Variants in BANK1 observed in about 807,000 individuals in gnomAD.
BANK1 encodes the protein B-cell scaffold protein with ankyrin repeats.
Under a neutral mutation model 94.5 loss-of-function variants are expected in BANK1, and 95 were observed. The ratio of observed to expected loss-of-function variants is 1.00; its 90% CI spans 0.85 to 1.19. The LOEUF is 1.19. Ranked by LOEUF, BANK1 falls within the 50% of genes most tolerant of loss-of-function variation. The pLI, the probability that BANK1 is intolerant of heterozygous loss-of-function variation, is 0.00. For missense variants in BANK1, 987 were observed against 932.2 expected (o/e 1.06, Z -0.77); for synonymous variants, 334 against 308.4 (o/e 1.08, Z -0.87).
At chr4:101,929,074 T>C (rs1280878716) in intron 7 of BANK1, among the ~76,000 whole-genome samples, 5 of 151,756 alleles carry the variant, frequency 3.3e-5, no homozygotes, top group Non-Finnish European at 7.4e-5. Flanking sequence ...ATTCAAATGA[T>C]TCTTTCCAAT....
chr4:101,837,785 A>T (rs1449534014), intron 2 of BANK1, among the ~76,000 whole-genome samples: 1 of 152,158 alleles, frequency 6.6e-6, no homozygotes, highest in African/African-American at 2.4e-5. Context: ...ATTATGATTT[A>T]TTTATTGCTA....
At chr4:101,972,962 G>C (rs1195419628) in intron 7 of BANK1, among the ~76,000 whole-genome samples, 1 of 152,066 alleles carries the variant, frequency 6.6e-6, no homozygotes, top group Non-Finnish European at 1.5e-5. Flanking sequence ...GAGTAGAATA[G>C]TGGTTATGCA....
intron 8 of BANK1, among the ~76,000 whole-genome samples, chr4:102,023,248 A>G (rs887579143): frequency 2.0e-5 from 3 of 152,226 alleles, no homozygotes; most frequent in Admixed American, 2.0e-4. Flanking sequence ...TCACTAGCAT[A>G]CTTTGGCAAA....
chr4:102,003,455 T>C (rs1726143306), intron 7 of BANK1, among the ~76,000 whole-genome samples: 1 of 152,196 alleles, frequency 6.6e-6, no homozygotes, highest in African/African-American at 2.4e-5. Context: ...TGAGGTCAGC[T>C]GGGACTGTGA....
At chr4:101,985,560 G>T (rs573484876) in intron 7 of BANK1, among the ~76,000 whole-genome samples, 8 of 152,094 alleles carry the variant, frequency 5.3e-5, no homozygotes, top group African/African-American at 1.9e-4. Flanking sequence ...ATTTTAACTT[G>T]TGTTCTAGAA....
chr4:102,056,803 C>T (rs1578483739), intron 11 of BANK1, among the ~76,000 whole-genome samples: 1 of 152,004 alleles, frequency 6.6e-6, no homozygotes, highest in Non-Finnish European at 1.5e-5. Flanking sequence ...GCCAGGAGTT[C>T]GAGACCAGCC....
At chr4:101,961,288 T>G (rs1001394847) in intron 7 of BANK1, among the ~76,000 whole-genome samples, 1 of 152,188 alleles carries the variant, frequency 6.6e-6, no homozygotes, top group Admixed American at 6.5e-5. Flanking sequence ...GACATCATTC[T>G]TGTGAGAAGG....
chr4:101,865,421 G>C (rs1340308188), intron 4 of BANK1, among the ~76,000 whole-genome samples: 1 of 152,096 alleles, frequency 6.6e-6, no homozygotes, highest in Non-Finnish European at 1.5e-5. Context: ...ATCCCACCAG[G>C]TTTTTACAAT....
Position 102,037,956 on chromosome 4 carries a change from A to T in BANK1, c.1901-5883A>T, listed in dbSNP as rs566405047. Among the ~76,000 whole-genome samples the T allele has an allele frequency of 2.0e-5, 3 of 152,260 alleles. No individual in the cohort carries two copies. The South Asian group carries it at 6.2e-4, about 32-fold the overall frequency. On this transcript the variant is annotated intron_variant, in intron 10 of 16. Coordinates refer to ENST00000322953, the MANE Select transcript of BANK1 (RefSeq NM_017935.5). Reference sequence around the variant, plus strand: ...ATATGCCAACACATCACCTTGCATGACTTTTTCAAAGTATTTATTAACTTC... The same window carrying T: ...ATATGCCAACACATCACCTTGCATGTCTTTTTCAAAGTATTTATTAACTTC...
At chr4:101,936,457 TTA>T (rs1383056563) in intron 7 of BANK1, among the ~76,000 whole-genome samples, 1 of 150,212 alleles carries the variant, frequency 6.7e-6, no homozygotes, top group African/African-American at 2.4e-5. Context: ...TGCATATACT[TTA>T]TATGTATGAT....
intron 7 of BANK1, among the ~76,000 whole-genome samples, chr4:101,952,248 AAAT>A (rs1724187473): frequency 6.6e-6 from 1 of 152,126 alleles, no homozygotes; most frequent in Non-Finnish European, 1.5e-5. Context: ...GTTGAGAAAA[AAAT>A]AAAAATGGCT....
intron 1 of BANK1, among the ~76,000 whole-genome samples, chr4:101,791,881 TGACAAGAAAG>T (rs1447972152): frequency 6.6e-6 from 1 of 152,154 alleles, no homozygotes; most frequent in Non-Finnish European, 1.5e-5. Flanking sequence ...CAATGAAAAG[TGACAAGAAAG>T]GACTTAGAGC....
chr4:102,050,271 C>T lies in BANK1; in HGVS notation c.1969+6364C>T, dbSNP rs184971948. ...AGAATCAAGTTGCTGCAGATCTGTA[C>T]GGATTGGCTGTTGCTAACAAAACCA... is the stretch of plus-strand genomic sequence containing the variant. On this transcript the variant is annotated intron_variant, in intron 11 of 16. Transcript: ENST00000322953. Among the ~76,000 whole-genome samples the T allele has an allele frequency of 3.4e-3, 518 of 152,228 alleles. 1 individual carries two copies. Among genetic ancestry groups the T allele is most frequent in the Non-Finnish European group, 5.9e-3 (404 of 68,014 alleles).
intron 10 of BANK1, among the ~76,000 whole-genome samples, chr4:102,031,912 A>G (rs1462634657): frequency 6.6e-6 from 1 of 152,070 alleles, no homozygotes; most frequent in Non-Finnish European, 1.5e-5. Flanking sequence ...TTTAATGATG[A>G]TCTTCTCTTG....
intron 10 of BANK1, among the ~76,000 whole-genome samples, chr4:102,036,154 A>C (rs1333658749): frequency 2.0e-5 from 3 of 152,200 alleles, no homozygotes; most frequent in Non-Finnish European, 2.9e-5. Context: ...TTTCCCTTTC[A>C]ATTTCCAATT....
At chr4:101,885,168 CG>C (rs1728808909) in intron 5 of BANK1, among the ~76,000 whole-genome samples, 1 of 152,240 alleles carries the variant, frequency 6.6e-6, no homozygotes, top group Admixed American at 6.5e-5. Context: ...CCACCGACCT[CG>C]GCTTCCCAAA....
At chr4:101,911,129 G>T (rs1722649840) in intron 6 of BANK1, among the ~76,000 whole-genome samples, 1 of 152,142 alleles carries the variant, frequency 6.6e-6, no homozygotes, top group South Asian at 2.1e-4. Flanking sequence ...TGCCCAGATG[G>T]TAAGTGGCAG....
At chr4:101,926,453 G>C (rs73836657) in intron 7 of BANK1, among the ~76,000 whole-genome samples, 2 of 151,590 alleles carry the variant, frequency 1.3e-5, no homozygotes, top group African/African-American at 2.4e-5. Context: ...ATCAACTCTC[G>C]CTTAAGCCAG....
At chr4:102,015,933 C>A (rs1726684488) in intron 7 of BANK1, among the ~76,000 whole-genome samples, 2 of 152,252 alleles carry the variant, frequency 1.3e-5, no homozygotes, top group African/African-American at 2.4e-5. Flanking sequence ...ACACCAAAGT[C>A]GTTTGAACTT....
Sources: gnomAD v4.1 joint callset for allele counts (sites outside exome capture counted in the v4.1 genomes callset) on GRCh38, gnomAD v4.1.1 for gene constraint, MANE v1.5 for transcripts, NCBI Gene and HGNC (gene_info 2026-07-23, HGNC 2026-07-21) for gene names.